The following SH2B2 variants were observed in gnomAD, a reference collection of about 807,000 sequenced individuals.
SH2B2 encodes SH2B adaptor protein 2.
Under a neutral mutation model 35.7 loss-of-function variants are expected in SH2B2, and 37 were observed. The observed-to-expected ratio is 1.04, with a 90% CI of 0.80 to 1.36. SH2B2 has a LOEUF of 1.36. Ranked by LOEUF, SH2B2 falls within the 40% of genes most tolerant of loss-of-function variation. The probability of loss-of-function intolerance (pLI) is 0.00; values close to 1 mark genes in which losing one functional copy is unlikely to be tolerated. For missense variants in SH2B2, 852 were observed against 817.7 expected (o/e 1.04, Z -0.51); for synonymous variants, 383 against 376.4 (o/e 1.02, Z -0.20).
intron 7 of SH2B2, among the ~76,000 whole-genome samples, chr7:102,319,740 G>T (rs1793981731): frequency 6.6e-6 from 1 of 152,116 alleles, no homozygotes; most frequent in South Asian, 2.1e-4. Context: ...AGACACCACA[G>T]GCCTATGGTT....
Position 102,300,895 on chromosome 7 carries a change from G to C in SH2B2, c.345G>C (p.Ser115=). The change falls in exon 2 of 9, where the codon TCG becomes TCC. Residue 115 remains serine, a synonymous_variant. Transcript: ENST00000444095. ...TCAAGGCGGCGCCCTACGGCCACTC[G>C]CGGAGCTCGGAGGACGTGTCCACGC... ...SALKAAPYGH[S]RSSEDVSTHA... 6.8e-7 allele frequency: 1 copy of C among 1,469,554 alleles called. No individual in the cohort carries two copies. Among genetic ancestry groups the C allele is most frequent in the Non-Finnish European group, 9.0e-7 (1 of 1,115,080 alleles). 91.0% of individuals were successfully genotyped at this position (1,469,554 alleles called of 1,614,324 possible). A position where few individuals can be genotyped will look rare whatever the true frequency, so the allele number is the denominator to read the frequency against.
chr7:102,304,153 C>T (rs144420657), intron 2 of SH2B2, among the ~76,000 whole-genome samples: 46 of 152,278 alleles, frequency 3.0e-4, no homozygotes, highest in African/African-American at 9.4e-4. Context: ...CACCCACCCA[C>T]GGTCCAGATC....
chr7:102,305,304 C>T (rs1475918967), intron 2 of SH2B2, among the ~76,000 whole-genome samples: 1 of 152,008 alleles, frequency 6.6e-6, no homozygotes, highest in Non-Finnish European at 1.5e-5. Context: ...GTCACTCTGT[C>T]GCCCAGGCTG....
At chr7:102,294,696 C>G (rs1197016785) in intron 1 of SH2B2, among the ~76,000 whole-genome samples, 1 of 152,194 alleles carries the variant, frequency 6.6e-6, no homozygotes, top group East Asian at 1.9e-4. Context: ...CCTGCCACAG[C>G]CAGGCCCCCT....
intron 1 of SH2B2, among the ~76,000 whole-genome samples, chr7:102,291,456 G>C (rs1792668522): frequency 6.6e-6 from 1 of 152,184 alleles, no homozygotes; most frequent in South Asian, 2.1e-4. Flanking sequence ...AAGACCACTA[G>C]TACCTAATCA....
chr7:102,306,061 G>A (rs374622119), intron 2 of SH2B2, among the ~76,000 whole-genome samples: 4 of 151,508 alleles, frequency 2.6e-5, no homozygotes, highest in Non-Finnish European at 4.4e-5. Flanking sequence ...CACCACACTC[G>A]GCTAAGTTTT....
rs2132996143 is a variant in SH2B2 at position 102,308,909 on chromosome 7, G to A, written c.923+3G>A. ...ATCCAGGGCTGCGTGGACCCCGGGT[G>A]AGTGTCCAAGTGGCCCGAAGATGGG... On this transcript the variant is annotated splice_donor_region_variant and intron_variant, in intron 4 of 8. Transcript: ENST00000444095. 6.2e-7 allele frequency: 1 copy of A among 1,612,336 alleles called. No homozygotes were observed. The highest frequency in any genetic ancestry group is 8.5e-7 in the Non-Finnish European group (1 of 1,178,732).
intron 1 of SH2B2, among the ~76,000 whole-genome samples, chr7:102,295,637 ACC>A (rs1370180310): frequency 6.6e-6 from 1 of 152,208 alleles, no homozygotes; most frequent in Non-Finnish European, 1.5e-5. Context: ...TATAACTGGC[ACC>A]ATGCAAGAGA....
chr7:102,294,304 A>G (rs1554552249), intron 1 of SH2B2, among the ~76,000 whole-genome samples: 2 of 152,206 alleles, frequency 1.3e-5, no homozygotes, highest in African/African-American at 4.8e-5. Flanking sequence ...CTGGGATTAC[A>G]GGCTTGAGCC....
intron 3 of SH2B2, 46 bp downstream of exon 3, chr7:102,306,868 C>T: frequency 6.9e-7 from 1 of 1,442,024 alleles, no homozygotes; most frequent in Non-Finnish European, 9.6e-7. Flanking sequence ...CTGCCCCAGG[C>T]CACCTTCCCT....
At position 102,291,423 on chromosome 7, in the gene SH2B2, G is replaced by A. The variant is rs536154492; in HGVS notation, c.-30+4329G>A. ...GTTATCTGCACGGAAGAGCAGCTAG[G>A]GAAACTAATGCTCAGAACAGCCAAG... On this transcript the variant is annotated intron_variant, in intron 1 of 8. Coordinates refer to ENST00000444095, the MANE Select transcript of SH2B2 (RefSeq NM_001359228.2). 4.6e-5 allele frequency among the ~76,000 whole-genome samples: 7 copies of A among 152,268 alleles called. No individual in the cohort carries two copies. In the East Asian group the frequency reaches 1.4e-3, roughly 29 times the overall value.
chr7:102,304,361 G>A (rs1030319844), intron 2 of SH2B2, among the ~76,000 whole-genome samples: 10 of 152,172 alleles, frequency 6.6e-5, no homozygotes, highest in African/African-American at 2.2e-4. Context: ...TCCCCTCATT[G>A]CCCTATGCCA....
At chr7:102,318,224 C>T (rs782191796) in intron 7 of SH2B2, among the ~76,000 whole-genome samples, 1 of 152,148 alleles carries the variant, frequency 6.6e-6, no homozygotes, top group Non-Finnish European at 1.5e-5. Flanking sequence ...TTGCAACCTC[C>T]GCCTCCCGGG....
chr7:102,290,240 C>G (rs1193513645), intron 1 of SH2B2, among the ~76,000 whole-genome samples: 1 of 51,578 alleles, frequency 1.9e-5, no homozygotes, highest in Non-Finnish European at 4.0e-5. Context: ...TCCATACCCC[C>G]CTTTTTTTTT....
At position 102,298,687 on chromosome 7, in the gene SH2B2, G is replaced by A. The variant is rs10227342; in HGVS notation, c.-29-1835G>A. Among the ~76,000 whole-genome samples the A allele has an allele frequency of 6.7e-3, 1,012 of 152,036 alleles. 10 individuals are homozygous for A. Among genetic ancestry groups the A allele is most frequent in the African/African-American group, 0.022 (929 of 41,470 alleles). ...CTCAACCTTCCAGGCTCAGGTGATC[G>A]TCCTGAATAGCTGAGACTACAGGTG... On this transcript the variant is annotated intron_variant, in intron 1 of 8. Coordinates refer to ENST00000444095, the MANE Select transcript of SH2B2 (RefSeq NM_001359228.2).
At chr7:102,286,788 A>AG (rs1262740501), upstream of SH2B2, 21 of 17,674 alleles carry the variant, frequency 1.2e-3, no homozygotes, top group Middle Eastern at 0.026. Flanking sequence ...AGGACGCGCG[A>AG]GGGGGGGCGG....
intron 6 of SH2B2, among the ~76,000 whole-genome samples, chr7:102,316,059 C>T (rs557187788): frequency 1.7e-3 from 251 of 151,766 alleles, no homozygotes; most frequent in African/African-American, 5.9e-3. Flanking sequence ...GCAGGAGGAT[C>T]GTTTGAGCCC....
chr7:102,291,716 G>A (rs1792678152), intron 1 of SH2B2, among the ~76,000 whole-genome samples: 1 of 152,222 alleles, frequency 6.6e-6, no homozygotes. Flanking sequence ...TACCTTGTGG[G>A]GATGTGGTCT....
rs1160316301 is a variant in SH2B2 at position 102,321,627 on chromosome 7, C to T, written c.1896C>T (p.Tyr632=). 2.6e-6 allele frequency: 3 copies of T among 1,147,538 alleles called. No homozygotes were observed. The highest frequency in any genetic ancestry group is 3.2e-6 in the Non-Finnish European group (3 of 932,844). 71.1% of individuals were successfully genotyped at this position (1,147,538 alleles called of 1,614,324 possible). ...ARAVENQYSF[Y] is the part of the protein sequence containing the mutation. The stretch of plus-strand genomic sequence containing the variant: ...CCGTGGAGAACCAGTACTCCTTCTA[C>T]TAGCCCGCGGCGCCGCCCGGGTGGG... The change falls in exon 9 of 9, where the codon TAC becomes TAT. Residue 632 remains tyrosine (Y), a synonymous_variant. Coordinates refer to ENST00000444095, the MANE Select transcript of SH2B2 (RefSeq NM_001359228.2).
Sources: allele counts gnomAD v4.1 joint callset (sites outside exome capture counted in the v4.1 genomes callset), GRCh38; gene constraint gnomAD v4.1.1; transcripts MANE v1.5; gene names NCBI Gene and HGNC (gene_info 2026-07-23, HGNC 2026-07-21).